Variants in LIX1 observed in about 807,000 individuals in gnomAD.
LIX1 encodes the protein protein limb expression 1 homolog.
Under a neutral mutation model 33.4 loss-of-function variants are expected in LIX1, and 24 were observed. The ratio of observed to expected loss-of-function variants is 0.72; its 90% CI spans 0.52 to 1.01. LIX1 has a LOEUF of 1.01. LIX1 is among the 50% of genes least tolerant of loss of function. The probability of loss-of-function intolerance (pLI) is 0.00; values close to 1 mark genes in which losing one functional copy is unlikely to be tolerated. For synonymous variants in LIX1, 124 were observed against 124.0 expected, an observed-to-expected ratio of 1.00 and a Z score of 0.00; for missense variants, 311 against 339.2, an observed-to-expected ratio of 0.92 and a Z score of 0.65.
chr5:97,129,274 G>C (rs763520792), intron 1 of LIX1, among the ~76,000 whole-genome samples: 72 of 152,080 alleles, frequency 4.7e-4, no homozygotes, highest in Non-Finnish European at 2.1e-4. Flanking sequence ...CAAAGCCCTT[G>C]CTAAAGAAAG....
At chr5:97,120,712 G>A (rs1747757610) in intron 2 of LIX1, among the ~76,000 whole-genome samples, 2 of 152,128 alleles carry the variant, frequency 1.3e-5, no homozygotes, top group Admixed American at 1.3e-4. Context: ...GAGGAAATCG[G>A]GGAGATAAAA....
At position 97,092,397 on chromosome 5, in the gene LIX1, A is replaced by G. The variant is rs1279058091; in HGVS notation, c.*2351T>C. 7.0e-6 allele frequency: 1 copy of G among 143,332 alleles called. No homozygotes were observed. Among genetic ancestry groups the G allele is most frequent in the Non-Finnish European group, 1.5e-5 (1 of 67,444 alleles). 8.9% of individuals were successfully genotyped at this position (143,332 alleles called of 1,614,324 possible). A position where few individuals can be genotyped will look rare whatever the true frequency, so the allele number is the denominator to read the frequency against. On this transcript the variant is annotated 3_prime_UTR_variant, in exon 6 of 6. Coordinates refer to ENST00000274382, the MANE Select transcript of LIX1 (RefSeq NM_153234.5). The stretch of plus-strand genomic sequence containing the variant: ...TGTTCAGAACAAGATATAGAAAAGG[A>G]AAAAAAAAATCTGCTTTGCTCTTCA...
intron 2 of LIX1, among the ~76,000 whole-genome samples, chr5:97,121,420 A>ACCTCCAAAATTTATCTGCATGTCTC (rs1747783382): frequency 6.6e-6 from 1 of 151,884 alleles, no homozygotes; most frequent in East Asian, 1.9e-4. Context: ...ATTGATGTTT[A>ACCTCCAAAATTTATCTGCATGTCTC]CCTCCAAAAT....
In LIX1 at chr5:97,104,685, G is replaced by A. The variant is rs141155978; in HGVS notation, c.483+505C>T. Reference sequence around the variant, plus strand: ...TCCTCAACTCTTGTTATCATTTGTCGGCAGTGGATGAAAAAGAGTTACAGA... The same window carrying A: ...TCCTCAACTCTTGTTATCATTTGTCAGCAGTGGATGAAAAAGAGTTACAGA... On this transcript the variant is annotated intron_variant, in intron 4 of 5. Coordinates refer to ENST00000274382, the MANE Select transcript of LIX1 (RefSeq NM_153234.5). Among the ~76,000 whole-genome samples the A allele has an allele frequency of 4.9e-3, 741 of 152,156 alleles. 12 individuals carry two copies. The highest frequency in any genetic ancestry group is 0.017 in the African/African-American group (686 of 41,490).
chr5:97,132,424 G>A (rs767005168), intron 1 of LIX1, among the ~76,000 whole-genome samples: 1 of 152,160 alleles, frequency 6.6e-6, no homozygotes, highest in African/African-American at 2.4e-5. Flanking sequence ...AAAAATTTGT[G>A]TAGGAAAAAG....
At chr5:97,106,768 C>A (rs1747052481) in intron 3 of LIX1, among the ~76,000 whole-genome samples, 4 of 152,152 alleles carry the variant, frequency 2.6e-5, no homozygotes, top group African/African-American at 9.7e-5. Context: ...AAGCACTTTG[C>A]ATTTAATTGT....
intron 2 of LIX1, among the ~76,000 whole-genome samples, chr5:97,120,976 C>T (rs1359191468): frequency 6.6e-6 from 1 of 152,058 alleles, no homozygotes; most frequent in Non-Finnish European, 1.5e-5. Context: ...TGATTATATC[C>T]TCTCTTTAAT....
intron 1 of LIX1, among the ~76,000 whole-genome samples, chr5:97,126,153 A>T (rs1236377582): frequency 6.6e-6 from 1 of 152,222 alleles, no homozygotes; most frequent in Non-Finnish European, 1.5e-5. Context: ...ATGTTTTTTC[A>T]AGTTCTAGAT....
rs761933181 is a variant in LIX1 at position 97,124,544 on chromosome 5, A to G, written c.168T>C (p.Tyr56=). 4.5e-5 allele frequency: 73 copies of G among 1,612,974 alleles called. No individual in the cohort carries two copies. Among genetic ancestry groups the G allele is most frequent in the Non-Finnish European group, 6.2e-5 (73 of 1,179,294 alleles). Residue 56 remains tyrosine (Y), a synonymous_variant, in exon 2 of 6, where the codon TAT becomes TAC. Transcript: ENST00000274382. The part of the protein sequence containing the change: ...AAFPSEGVVV[Y]ESLPAPGPPF... ...GAGGCCCAGGAGCTGGCAGTGACTC[A>G]TAGACCACCACACCTTCACTTGGGA...
intron 1 of LIX1, among the ~76,000 whole-genome samples, chr5:97,139,427 T>C (rs770705128): frequency 1.3e-4 from 20 of 152,214 alleles, no homozygotes; most frequent in Non-Finnish European, 2.1e-4. Context: ...GTGATTTCTT[T>C]TGAGAAAGTA....
At chr5:97,099,096 C>T (rs1472858186) in intron 4 of LIX1, among the ~76,000 whole-genome samples, 1 of 151,424 alleles carries the variant, frequency 6.6e-6, no homozygotes, top group Non-Finnish European at 1.5e-5. Flanking sequence ...GGAGACCTCC[C>T]TGTCTGCACA....
At chr5:97,130,202 A>T (rs374753188) in intron 1 of LIX1, among the ~76,000 whole-genome samples, 4 of 152,182 alleles carry the variant, frequency 2.6e-5, no homozygotes, top group African/African-American at 7.2e-5. Flanking sequence ...AGACTCAATG[A>T]CAGAGATTGC....
rs114980005 is a variant in LIX1, at chr5:97,114,809, T to C, written c.247-7309A>G. ...GGCTTACACAATTTGGGGGCCCTTG[T>C]TTAAGAAAAACAATATGAAATTACA... On this transcript the variant is annotated intron_variant, in intron 2 of 5. Transcript: ENST00000274382. Among the ~76,000 whole-genome samples, 288 of 152,294 alleles carry C rather than the reference T, an allele frequency of 1.9e-3. 1 individual carries two copies. The highest frequency in any genetic ancestry group is 2.0e-3 in the Admixed American group (31 of 15,280).
At chr5:97,100,119 C>A (rs562180125) in intron 4 of LIX1, among the ~76,000 whole-genome samples, 1 of 152,220 alleles carries the variant, frequency 6.6e-6, no homozygotes, top group Non-Finnish European at 1.5e-5. Flanking sequence ...TAACTGCTCT[C>A]CCCGCCCCAT....
At chr5:97,099,759 C>T (rs770238737) in intron 4 of LIX1, among the ~76,000 whole-genome samples, 76 of 152,108 alleles carry the variant, frequency 5.0e-4, no homozygotes, top group Non-Finnish European at 1.9e-4. Flanking sequence ...ATTGTTTGAA[C>T]CTGGGAGGCG....
Position 97,096,870 on chromosome 5 carries a change from G to A in LIX1, c.501C>T (p.Phe167=). 2 of 1,613,934 alleles carry A rather than the reference G, an allele frequency of 1.2e-6. No homozygotes were observed. The highest frequency in any genetic ancestry group is 1.7e-6 in the Non-Finnish European group (2 of 1,179,832). Residue 167 remains phenylalanine (F), a synonymous_variant, in exon 5 of 6, where the codon TTC becomes TTT. Transcript: ENST00000274382. Reference sequence around the variant, plus strand: ...GGCTTCCATTCCAGTGCAATAGTTGGAAAATGGTCATCAGCTCCTACAAAA... The same window carrying A: ...GGCTTCCATTCCAGTGCAATAGTTGAAAAATGGTCATCAGCTCCTACAAAA... The part of the protein sequence containing the change: ...MLEFQELMTI[F]QLLHWNGSLK...
At chr5:97,114,232 C>T (rs1009216183) in intron 2 of LIX1, among the ~76,000 whole-genome samples, 4 of 152,280 alleles carry the variant, frequency 2.6e-5, no homozygotes, top group Middle Eastern at 6.8e-3. Context: ...GGCATGGTAG[C>T]TCATATCTGT....
intron 2 of LIX1, 42 bp from the exon 3 acceptor site, chr5:97,107,542 C>G: frequency 6.2e-7 from 1 of 1,605,588 alleles, no homozygotes; most frequent in South Asian, 1.1e-5. Flanking sequence ...GAGAATTTAG[C>G]ATTTCACCAT....
chr5:97,103,009 T>C (rs917532476), intron 4 of LIX1: 4 of 442,564 alleles, frequency 9.0e-6, no homozygotes, highest in Admixed American at 2.6e-5. Flanking sequence ...ATGGGCATTA[T>C]TATTCCTATT....
Sources: allele counts gnomAD v4.1 joint callset (sites outside exome capture counted in the v4.1 genomes callset), GRCh38; gene constraint gnomAD v4.1.1; transcripts MANE v1.5; gene names NCBI Gene and HGNC (gene_info 2026-07-23, HGNC 2026-07-21).